The following DPP6 variants were observed in gnomAD, a reference collection of about 807,000 sequenced individuals.
DPP6 encodes dipeptidyl peptidase like 6.
A neutral mutation model predicts 122.6 loss-of-function variants in DPP6; 69 were observed. The ratio of observed to expected loss-of-function variants is 0.56; its 90% CI spans 0.46 to 0.69. The LOEUF (loss-of-function observed/expected upper bound fraction) is 0.69. DPP6 is among the 30% of genes least tolerant of loss of function. The pLI is 0.00. For synonymous variants in DPP6, 418 were observed against 433.1 expected (o/e 0.97, Z 0.43); for missense variants, 928 against 1,116.9 (o/e 0.83, Z 2.41).
At chr7:154,559,347 G>T (rs1181500067) in intron 4 of DPP6, among the ~76,000 whole-genome samples, 1 of 114,990 alleles carries the variant, frequency 8.7e-6, no homozygotes, top group African/African-American at 3.2e-5. Context: ...AGAGAAACTT[G>T]AAAAAAAAAA....
rs1003354164 is a variant in DPP6 at position 154,760,346 on chromosome 7, G to C, written c.884-9071G>C. Among the ~76,000 whole-genome samples, 16 of 152,224 alleles carry C rather than the reference G, an allele frequency of 1.1e-4. No homozygotes were observed. Among genetic ancestry groups the C allele is most frequent in the Middle Eastern group, 6.8e-3 (2 of 294 alleles). On this transcript the variant is annotated intron_variant, in intron 8 of 25. Coordinates refer to ENST00000377770, the MANE Select transcript of DPP6 (RefSeq NM_130797.4). The surrounding 1 kb of genome is among the most constrained non-coding windows in gnomAD (Gnocchi z 4.5). Reference sequence around the variant, plus strand: ...TCATGGGCTGTGTGTGCAAATTCAGGGGGGTGGGGTGGAGGAAATTCAGTC... The same window carrying C: ...TCATGGGCTGTGTGTGCAAATTCAGCGGGGTGGGGTGGAGGAAATTCAGTC...
At chr7:154,274,592 A>G (rs986230785) in intron 1 of DPP6, among the ~76,000 whole-genome samples, 3 of 152,208 alleles carry the variant, frequency 2.0e-5, no homozygotes, top group Non-Finnish European at 4.4e-5. Flanking sequence ...GCTTCCATGC[A>G]CTTTAGAAGA....
At chr7:154,602,921 G>C (rs531332419) in intron 5 of DPP6, among the ~76,000 whole-genome samples, 2 of 119,396 alleles carry the variant, frequency 1.7e-5, no homozygotes, top group African/African-American at 5.3e-5. Context: ...ACATTGTAAT[G>C]CTGGTCTACT....
intron 3 of DPP6, among the ~76,000 whole-genome samples, chr7:154,515,868 G>T (rs1034719928): frequency 1.3e-5 from 2 of 152,158 alleles, no homozygotes; most frequent in Admixed American, 1.3e-4. Context: ...AGGCCCAGAT[G>T]ATCACTGCAG....
At chr7:153,808,431 CTG>C in the DPP6 span, among the ~76,000 whole-genome samples, 18 of 151,094 alleles carry the variant, frequency 1.2e-4, no homozygotes, top group East Asian at 3.9e-4. Flanking sequence ...GTGTGTGTGA[CTG>C]TGTGTGTGCG....
the DPP6 span, among the ~76,000 whole-genome samples, chr7:153,820,203 T>C: frequency 1.3e-5 from 2 of 152,232 alleles, no homozygotes; most frequent in African/African-American, 4.8e-5. Context: ...AGAGGCATGG[T>C]AGGTTTTCTG....
intron 1 of DPP6, among the ~76,000 whole-genome samples, chr7:154,292,308 G>A (rs1239906414): frequency 1.3e-5 from 2 of 152,100 alleles, no homozygotes; most frequent in African/African-American, 2.4e-5. Context: ...GTCATCCCAC[G>A]CAGGGTGGGC....
chr7:153,966,164 C>T (rs1795703449), intron 1 of DPP6, among the ~76,000 whole-genome samples: 4 of 127,114 alleles, frequency 3.1e-5, no homozygotes, highest in Admixed American at 1.8e-4. Context: ...TGAAAAGCTT[C>T]TCAGTTGTTG....
chr7:154,352,394 C>T (rs1003797356), intron 1 of DPP6, among the ~76,000 whole-genome samples: 5 of 151,876 alleles, frequency 3.3e-5, no homozygotes, highest in African/African-American at 7.2e-5. Flanking sequence ...ACCCGGGAGG[C>T]GGAGCTTGCA....
intron 2 of DPP6, among the ~76,000 whole-genome samples, chr7:154,456,479 G>A (rs1820836209): frequency 6.6e-6 from 1 of 151,948 alleles, no homozygotes; most frequent in Non-Finnish European, 1.5e-5. Context: ...TATGATCATT[G>A]CAGCCTCAGA....
the DPP6 span, among the ~76,000 whole-genome samples, chr7:153,867,268 C>A: frequency 6.6e-6 from 1 of 152,158 alleles, no homozygotes; most frequent in Non-Finnish European, 1.5e-5. Context: ...GATATTGATT[C>A]TTCCTACCCA....
chr7:154,527,790 T>C (rs1202410021), intron 3 of DPP6, among the ~76,000 whole-genome samples: 1 of 152,200 alleles, frequency 6.6e-6, no homozygotes, highest in Non-Finnish European at 1.5e-5. Context: ...GAATCTACAG[T>C]ACCATAAGAT....
chr7:153,769,016 C>G, the DPP6 span, among the ~76,000 whole-genome samples: 3 of 152,106 alleles, frequency 2.0e-5, no homozygotes, highest in African/African-American at 7.2e-5. Context: ...AAATAAGGTT[C>G]TTCTTCATTA....
At position 154,182,273 on chromosome 7, in the gene DPP6, C is replaced by G. The variant is rs574105255; in HGVS notation, c.243+129210C>G. ...AAGGCCATAACTCTACAAATTGTAA[C>G]CACCAGGATTGCCTAGGTAACAGCT... On this transcript the variant is annotated intron_variant, in intron 1 of 25. Transcript: ENST00000377770. 8.5e-5 allele frequency among the ~76,000 whole-genome samples: 13 copies of G among 152,278 alleles called. No individual in the cohort carries two copies. The South Asian group carries it at 2.7e-3, about 32-fold the overall frequency.
At chr7:154,429,527 A>G (rs1818185534) in intron 1 of DPP6, among the ~76,000 whole-genome samples, 1 of 152,226 alleles carries the variant, frequency 6.6e-6, no homozygotes, top group South Asian at 2.1e-4. Flanking sequence ...ACAGCCACAT[A>G]AAATAACCCT....
Position 154,681,972 on chromosome 7 carries a change from T to C in DPP6, c.762+12531T>C, listed in dbSNP as rs1019011332. 2.0e-5 allele frequency among the ~76,000 whole-genome samples: 3 copies of C among 152,248 alleles called. No individual in the cohort carries two copies. The South Asian group carries it at 6.2e-4, about 32-fold the overall frequency. ...ACTTTTGTCTTCCACAGCCCGTTGC[T>C]CAGCATTGTGCAGAGTGTAGGTTCT... On this transcript the variant is annotated intron_variant, in intron 7 of 25. Coordinates refer to ENST00000377770, the MANE Select transcript of DPP6 (RefSeq NM_130797.4).
At chr7:154,395,118 G>A (rs573607321) in intron 1 of DPP6, among the ~76,000 whole-genome samples, 2 of 152,250 alleles carry the variant, frequency 1.3e-5, no homozygotes, top group African/African-American at 4.8e-5. Flanking sequence ...TCTGATGAGG[G>A]TGTGTTTATC....
At chr7:153,963,974 C>T (rs1321359073) in intron 1 of DPP6, among the ~76,000 whole-genome samples, 1 of 152,156 alleles carries the variant, frequency 6.6e-6, no homozygotes, top group Non-Finnish European at 1.5e-5. Context: ...TGAACTTGTA[C>T]TGACTTTCAG....
intron 1 of DPP6, among the ~76,000 whole-genome samples, chr7:153,934,882 T>G (rs1585053740): frequency 1.3e-5 from 2 of 152,184 alleles, no homozygotes; most frequent in Non-Finnish European, 2.9e-5. Context: ...GCAGGTCACA[T>G]GAGCCGACAC....
Sources: allele counts gnomAD v4.1 joint callset (sites outside exome capture counted in the v4.1 genomes callset), GRCh38; gene constraint gnomAD v4.1.1; non-coding constraint Gnocchi (gnomAD v3.1); transcripts MANE v1.5; gene names NCBI Gene and HGNC (gene_info 2026-07-23, HGNC 2026-07-21).